DPYSL3: variants seen among roughly 807,000 people sequenced by gnomAD.
DPYSL3 encodes the protein dihydropyrimidinase-related protein 3.
A neutral mutation model predicts 66.1 loss-of-function variants in DPYSL3; 16 were observed. That is an observed-to-expected ratio of 0.24 (90% CI 0.16 to 0.37). The LOEUF is 0.37. Ranked by LOEUF, DPYSL3 falls within the 10% of genes least tolerant of loss-of-function variation. The pLI is 1.00. For missense variants in DPYSL3, 738 were observed against 916.2 expected, an observed-to-expected ratio of 0.81 and a Z score of 2.51; for synonymous variants, 338 against 345.1, an observed-to-expected ratio of 0.98 and a Z score of 0.23.
intron 1 of DPYSL3, among the ~76,000 whole-genome samples, chr5:147,446,800 C>T (rs538110802): frequency 3.9e-4 from 59 of 152,362 alleles, no homozygotes; most frequent in African/African-American, 1.4e-3. Context: ...AGAGGACACA[C>T]AACTCACTTG....
rs1321524682 is a variant in DPYSL3, at chr5:147,393,521, T to C, written c.*514A>G. On this transcript the variant is annotated 3_prime_UTR_variant, in exon 14 of 14. Transcript: ENST00000343218. ...CAGCTGCCACAGCGGCTATCTTCCA[T>C]GGAAATAACGTACGTCATCAACACA... 2.0e-5 allele frequency: 3 copies of C among 153,580 alleles called. No individual in the cohort carries two copies. The highest frequency in any genetic ancestry group is 4.4e-5 in the Non-Finnish European group (3 of 68,736). The allele number at this position is 153,580 out of a possible 1,614,324, so 9.5% of individuals were successfully genotyped here.
chr5:147,400,420 T>G (rs1561772091), intron 10 of DPYSL3, among the ~76,000 whole-genome samples: 2 of 152,230 alleles, frequency 1.3e-5, no homozygotes, highest in Admixed American at 6.5e-5. Context: ...GTACAGGCTA[T>G]TCGTACACTC....
intron 1 of DPYSL3, among the ~76,000 whole-genome samples, chr5:147,465,158 C>T (rs1752991939): frequency 6.6e-6 from 1 of 152,180 alleles, no homozygotes; most frequent in Non-Finnish European, 1.5e-5. Context: ...CACACTACTG[C>T]ACTCCAGCCT....
intron 1 of DPYSL3, among the ~76,000 whole-genome samples, chr5:147,433,095 T>C (rs1301502315): frequency 1.3e-5 from 2 of 152,208 alleles, no homozygotes; most frequent in Non-Finnish European, 2.9e-5. Context: ...GATTCCATGT[T>C]ATTTAATGCC....
At chr5:147,485,289 G>A (rs1753313288) in intron 1 of DPYSL3, among the ~76,000 whole-genome samples, 1 of 152,082 alleles carries the variant, frequency 6.6e-6, no homozygotes, top group South Asian at 2.1e-4. Context: ...TTCTTGCTTT[G>A]TGAGCTGTCT....
intron 1 of DPYSL3, among the ~76,000 whole-genome samples, chr5:147,446,218 T>C (rs994601746): frequency 3.3e-5 from 5 of 152,218 alleles, no homozygotes; most frequent in East Asian, 1.9e-4. Context: ...GCCCTCATTT[T>C]ACTGATGCAG....
At chr5:147,435,106 T>TG (rs906468019) in intron 1 of DPYSL3, among the ~76,000 whole-genome samples, 22 of 151,026 alleles carry the variant, frequency 1.5e-4, no homozygotes, top group African/African-American at 5.1e-4. Flanking sequence ...TTAAGAAAGG[T>TG]GGGGGGAAGA....
At chr5:147,438,632 A>C (rs1057042368) in intron 1 of DPYSL3, among the ~76,000 whole-genome samples, 5 of 152,146 alleles carry the variant, frequency 3.3e-5, no homozygotes, top group African/African-American at 1.2e-4. Context: ...CTTCCCAATG[A>C]TCACTATTTA....
Position 147,450,652 on chromosome 5 carries a change from T to G in DPYSL3, c.382-25689A>C, listed in dbSNP as rs151282639. Among the ~76,000 whole-genome samples, 37 of 151,928 alleles carry G rather than the reference T, an allele frequency of 2.4e-4. No homozygotes were observed. In the East Asian group the frequency reaches 7.0e-3, roughly 29 times the overall value. ...CCACAGGAAACCAATAAAACAAGGA[T>G]AGTAAGAATGCCTTAATCTCAGGAG... On this transcript the variant is annotated intron_variant, in intron 1 of 13. Coordinates refer to ENST00000343218, the MANE Select transcript of DPYSL3 (RefSeq NM_001197294.2).
chr5:147,469,301 T>TGCCA (rs1753051872), intron 1 of DPYSL3, among the ~76,000 whole-genome samples: 1 of 152,212 alleles, frequency 6.6e-6, no homozygotes, highest in African/African-American at 2.4e-5. Context: ...GTTGCCCTGA[T>TGCCA]AGGGCCCAGG....
intron 1 of DPYSL3, among the ~76,000 whole-genome samples, chr5:147,493,768 C>T (rs912291596): frequency 1.3e-5 from 2 of 152,100 alleles, no homozygotes; most frequent in Non-Finnish European, 2.9e-5. Context: ...AGTAACATTC[C>T]GGGGTATAAA....
chr5:147,413,090 C>T (rs1751890086), intron 5 of DPYSL3, among the ~76,000 whole-genome samples: 1 of 152,206 alleles, frequency 6.6e-6, no homozygotes, highest in South Asian at 2.1e-4. Context: ...ACCCTTATCT[C>T]TTAACCTGTG....
At chr5:147,398,286 C>A (rs543529353) in intron 11 of DPYSL3, among the ~76,000 whole-genome samples, 18 of 152,322 alleles carry the variant, frequency 1.2e-4, no homozygotes, top group Non-Finnish European at 1.8e-4. Flanking sequence ...CTACCTCCTT[C>A]ATTTACTCAA....
chr5:147,406,876 G>C (rs747177518), intron 7 of DPYSL3, among the ~76,000 whole-genome samples: 1 of 152,174 alleles, frequency 6.6e-6, no homozygotes, highest in Non-Finnish European at 1.5e-5. Flanking sequence ...TGTCCATTGT[G>C]GGTGTAGCTC....
intron 1 of DPYSL3, among the ~76,000 whole-genome samples, chr5:147,445,762 T>G (rs1752619718): frequency 6.6e-6 from 1 of 152,200 alleles, no homozygotes; most frequent in African/African-American, 2.4e-5. Context: ...AGTCTAGATT[T>G]TGGGCAATTA....
chr5:147,441,693 C>T (rs1295022019), intron 1 of DPYSL3, among the ~76,000 whole-genome samples: 1 of 152,162 alleles, frequency 6.6e-6, no homozygotes, highest in East Asian at 1.9e-4. Flanking sequence ...ACCGTATGAC[C>T]TTGGCAAATT....
intron 1 of DPYSL3, among the ~76,000 whole-genome samples, chr5:147,439,854 C>T (rs1232995444): frequency 6.6e-6 from 1 of 152,202 alleles, no homozygotes; most frequent in Non-Finnish European, 1.5e-5. Context: ...GCCTGTCCAC[C>T]TCTTACCTTG....
intron 1 of DPYSL3, among the ~76,000 whole-genome samples, chr5:147,449,288 A>C (rs911357714): frequency 2.1e-4 from 32 of 152,298 alleles, no homozygotes; most frequent in African/African-American, 6.7e-4. Flanking sequence ...CTACACTCAC[A>C]ATCACACCCT....
intron 1 of DPYSL3, among the ~76,000 whole-genome samples, chr5:147,434,782 G>A (rs1292932882): frequency 6.6e-6 from 1 of 152,082 alleles, no homozygotes; most frequent in East Asian, 1.9e-4. Context: ...GTGAGTAAGC[G>A]GAGCACTGAA....
Sources: allele counts gnomAD v4.1 joint callset (sites outside exome capture counted in the v4.1 genomes callset), GRCh38; gene constraint gnomAD v4.1.1; transcripts MANE v1.5; gene names NCBI Gene and HGNC (gene_info 2026-07-23, HGNC 2026-07-21).